ABCC6: variants seen among roughly 807,000 people sequenced by gnomAD.
ABCC6 encodes the protein ATP-binding cassette sub-family C member 6.
In ABCC6, 126 loss-of-function variants were observed where a neutral mutation model predicts 169.5. That is an observed-to-expected ratio of 0.74 (90% CI 0.64 to 0.86). The LOEUF (loss-of-function observed/expected upper bound fraction) is 0.86. ABCC6 is among the 40% of genes least tolerant of loss of function. The pLI is 0.00. For missense variants in ABCC6, 1,733 were observed against 1,927.2 expected, an observed-to-expected ratio of 0.90 and a Z score of 1.89; for synonymous variants, 752 against 814.7, an observed-to-expected ratio of 0.92 and a Z score of 1.31.
In ABCC6 at chr16:16,155,031, C is replaced by T. The variant is rs767119931; in HGVS notation, c.3883G>A (p.Val1295Met). The T allele has an allele frequency of 2.6e-6, 4 of 1,553,460 alleles. No individual in the cohort carries two copies. Among genetic ancestry groups the T allele is most frequent in the Non-Finnish European group, 2.6e-6 (3 of 1,149,402 alleles). ...GCCCCGGTCCTGCCAACGATGCCCA[C>T]CTGCCCGGGGTTGGGAGGAAAGGCC... is the stretch of plus-strand genomic sequence containing the variant. ...VSFKIHAGEK[V>M]GIVGRTGAGK... The change falls in exon 28 of 31, where the codon GTG becomes ATG. Residue 1295 changes from valine (V) to methionine (M), a missense_variant and splice_region_variant. Physicochemically the swap from Val to Met is conservative, Grantham distance 21. Around this residue, in one of 5 missense-constraint regions of ABCC6, gnomAD observed 1,601 missense variants for 1,635.5 expected, o/e 0.98. Coordinates refer to ENST00000205557, the MANE Select transcript of ABCC6 (RefSeq NM_001171.6).
rs749504104 is a variant in ABCC6 at position 16,150,260 on chromosome 16, CAGAG to C, written c.4404-23_4404-20del. ...CAGAACCCTGTGGGGGAGAGGGAGACAGAGAGGCTCTTTGGACACCAGCCCAGGC... is the reference window on the plus strand; with the variant it reads ...CAGAACCCTGTGGGGGAGAGGGAGACAGGCTCTTTGGACACCAGCCCAGGC... On this transcript the variant is annotated intron_variant, in intron 30 of 30. Transcript: ENST00000205557. 1 of 1,613,666 alleles carries C rather than the reference CAGAG, an allele frequency of 6.2e-7. No homozygotes were observed. The highest frequency in any genetic ancestry group is 8.5e-7 in the Non-Finnish European group (1 of 1,179,942).
At chr16:16,187,078 C>CA in intron 14 of ABCC6, 46 bp downstream of exon 14, 3 of 1,540,078 alleles carry the variant, frequency 1.9e-6, no homozygotes, top group Non-Finnish European at 1.8e-6. Context: ...GTGGCCCCCA[C>CA]ATCCCCCATC....
At chr16:16,161,978 A>G (rs1019895339) in intron 24 of ABCC6, among the ~76,000 whole-genome samples, 2 of 152,024 alleles carry the variant, frequency 1.3e-5, no homozygotes, top group African/African-American at 2.4e-5. Flanking sequence ...TTTTCCCCAT[A>G]TTGTTCTCGA....
Position 16,203,422 on chromosome 16 carries a change from G to A in ABCC6, c.986C>T (p.Pro329Leu). Residue 329 changes from proline (P) to leucine (L), a missense_variant, in exon 8 of 31, where the codon CCC becomes CTC. Transcript: ENST00000205557. ...GTCTGGGACTCACCTGAGCAGCTTG[G>A]GGACAGTGAACCTGAAGACATCACT... ...IISDVFRFTV[P>L]KLLSLFLEFI... 2 of 1,613,902 alleles carry A rather than the reference G, an allele frequency of 1.2e-6. No individual in the cohort carries two copies. Among genetic ancestry groups the A allele is most frequent in the South Asian group, 2.2e-5 (2 of 91,064 alleles).
chr16:16,217,143 A>G (rs2048905320), intron 4 of ABCC6, among the ~76,000 whole-genome samples: 1 of 152,178 alleles, frequency 6.6e-6, no homozygotes, highest in Non-Finnish European at 1.5e-5. Flanking sequence ...GTTTTAAATC[A>G]TGATTCCTCT....
At chr16:16,181,344 G>C (rs1441478439) in intron 17 of ABCC6, among the ~76,000 whole-genome samples, 2 of 78,438 alleles carry the variant, frequency 2.5e-5, no homozygotes, top group Non-Finnish European at 5.2e-5. Context: ...CTCCGTCTCA[G>C]AAAAAAAAAA....
At chr16:16,201,247 G>A (rs1312958052) in intron 9 of ABCC6, among the ~76,000 whole-genome samples, 1 of 152,174 alleles carries the variant, frequency 6.6e-6, no homozygotes, top group Non-Finnish European at 1.5e-5. Flanking sequence ...AATTACAGGC[G>A]TGCACCACTG....
At chr16:16,157,872 C>T in intron 26 of ABCC6, 63 bp from the exon 27 acceptor site, 1 of 1,540,764 alleles carries the variant, frequency 6.5e-7, no homozygotes, top group South Asian at 1.2e-5. Flanking sequence ...CAAGATGGCC[C>T]ACCTCTATCA....
chr16:16,165,926 C>G lies in ABCC6; in HGVS notation c.3003G>C (p.Gly1001=), dbSNP rs971331274. The G allele has an allele frequency of 6.2e-7, 1 of 1,612,794 alleles. No individual in the cohort carries two copies. The highest frequency in any genetic ancestry group is 1.3e-5 in the African/African-American group (1 of 74,928). Residue 1001 remains glycine (G), a synonymous_variant, in exon 23 of 31, where the codon GGG becomes GGC. Transcript: ENST00000205557. ...FGLLGCLQAI[G]LFASMAAVLL... ...GCACCGCAGCCATGGAGGCAAACAG[C>G]CCAATGGCTGGGGAGGGAGAGGAGG...
At position 16,203,417 on chromosome 16, in the gene ABCC6, G is replaced by A. The variant is rs1284850348; in HGVS notation, c.991C>T (p.Leu331=). The A allele has an allele frequency of 3.1e-6, 5 of 1,613,812 alleles. No homozygotes were observed. The highest frequency in any genetic ancestry group is 4.2e-6 in the Non-Finnish European group (5 of 1,179,872). The change falls in exon 8 of 31, where the codon CTG becomes TTG. Residue 331 remains leucine (L), a synonymous_variant. Coordinates refer to ENST00000205557, the MANE Select transcript of ABCC6 (RefSeq NM_001171.6). The part of the protein sequence containing the change: ...SDVFRFTVPK[L]LSLFLEFIGD... ...TTGAGGTCTGGGACTCACCTGAGCA[G>A]CTTGGGGACAGTGAACCTGAAGACA...
intron 6 of ABCC6, 133 bp from the exon 7 acceptor site, chr16:16,208,992 G>C: frequency 1.1e-6 from 1 of 939,910 alleles, no homozygotes; most frequent in East Asian, 2.6e-5. Flanking sequence ...TGGGTAAAAA[G>C]AAAGCAATTC....
intron 10 of ABCC6, 123 bp downstream of exon 10, chr16:16,197,898 C>T (rs1021864805): frequency 3.9e-5 from 46 of 1,178,948 alleles, no homozygotes; most frequent in East Asian, 3.6e-4. Flanking sequence ...GGGGTCACAG[C>T]GGACCTCTTC....
rs766810653 is a variant in ABCC6 at position 16,203,598 on chromosome 16, T to C, written c.810A>G (p.Ile270Met). 4.3e-6 allele frequency: 7 copies of C among 1,614,074 alleles called. No individual in the cohort carries two copies. The South Asian group carries it at 7.7e-5, about 18-fold the overall frequency. Reference protein sequence around the residue: ...RSAARRHNKAIAFKRKGGSGM... With the variant: ...RSAARRHNKAMAFKRKGGSGM... Reference sequence around the variant, plus strand: ...CACTGCCGCCTTTCCTTTTAAATGCTATTGCCTTGTTGTGCCTGAGGGGAA... The same window carrying C: ...CACTGCCGCCTTTCCTTTTAAATGCCATTGCCTTGTTGTGCCTGAGGGGAA... Residue 270 changes from isoleucine (I) to methionine (M), a missense_variant, in exon 8 of 31, where the codon ATA becomes ATG. Around this residue, in one of 5 missense-constraint regions of ABCC6, gnomAD observed 1,601 missense variants for 1,635.5 expected, o/e 0.98. Coordinates refer to ENST00000205557, the MANE Select transcript of ABCC6 (RefSeq NM_001171.6).
At chr16:16,190,141 C>A in intron 12 of ABCC6, 23 bp downstream of exon 12, 2 of 1,612,408 alleles carry the variant, frequency 1.2e-6, no homozygotes, top group Non-Finnish European at 8.5e-7. Context: ...TGCTGCTCAG[C>A]ATAGAGACTA....
intron 24 of ABCC6, 32 bp from the exon 25 acceptor site, chr16:16,161,596 T>A: frequency 6.2e-7 from 1 of 1,613,534 alleles, no homozygotes; most frequent in Admixed American, 1.7e-5. Context: ...GGGTGAGTGG[T>A]TACTCTCATC....
At chr16:16,208,903 C>T in intron 6 of ABCC6, 44 bp from the exon 7 acceptor site, 5 of 1,613,252 alleles carry the variant, frequency 3.1e-6, no homozygotes, top group Non-Finnish European at 4.2e-6. Flanking sequence ...TGCCATTCAC[C>T]CCTGCAGGAT....
At chr16:16,159,411 C>T (rs2046641643) in intron 26 of ABCC6, 71 bp downstream of exon 26, 9 of 1,350,850 alleles carry the variant, frequency 6.7e-6, no homozygotes, top group Non-Finnish European at 6.1e-6. Context: ...TAGCAGATGT[C>T]AACAGGGACC....
chr16:16,215,360 C>A (rs1253011191), intron 4 of ABCC6, among the ~76,000 whole-genome samples: 1 of 151,944 alleles, frequency 6.6e-6, no homozygotes, highest in African/African-American at 2.4e-5. Context: ...TTTGCATCTG[C>A]TGCCCTGTCA....
intron 18 of ABCC6, among the ~76,000 whole-genome samples, 192 bp downstream of exon 18, chr16:16,178,606 C>T (rs1325768150): frequency 6.6e-6 from 1 of 152,092 alleles, no homozygotes; most frequent in Non-Finnish European, 1.5e-5. Context: ...GGAAGAAACA[C>T]CTGCTGTTGT....
Sources: gnomAD v4.1 joint callset for allele counts (sites outside exome capture counted in the v4.1 genomes callset) on GRCh38, gnomAD v4.1.1 for gene constraint, gnomAD v4.1.1 regional missense constraint, MANE v1.5 for transcripts, NCBI Gene and HGNC (gene_info 2026-07-23, HGNC 2026-07-21) for gene names.